Variants in FAM229B observed in about 807,000 individuals in gnomAD.
The protein encoded by FAM229B is protein FAM229B.
A neutral mutation model predicts 6.7 loss-of-function variants in FAM229B; 2 were observed. The ratio of observed to expected loss-of-function variants is 0.30; its 90% CI spans 0.12 to 0.94. FAM229B has a LOEUF of 0.94. FAM229B is among the 40% of genes least tolerant of loss of function. The probability of loss-of-function intolerance (pLI) is 0.54; values close to 1 mark genes in which losing one functional copy is unlikely to be tolerated. For synonymous variants in FAM229B, 29 were observed against 34.0 expected (o/e 0.85, Z 0.51); for missense variants, 93 against 96.2 (o/e 0.97, Z 0.14).
At chr6:112,088,534 A>G (rs1227779308) in intron 1 of FAM229B, among the ~76,000 whole-genome samples, 2 of 152,102 alleles carry the variant, frequency 1.3e-5, no homozygotes, top group African/African-American at 4.8e-5. Context: ...GTAATATTCA[A>G]TGGATTAGAA....
At chr6:112,093,291 C>T (rs1249591391) in intron 1 of FAM229B, among the ~76,000 whole-genome samples, 5 of 151,950 alleles carry the variant, frequency 3.3e-5, no homozygotes, top group African/African-American at 1.2e-4. Context: ...AGACATATTT[C>T]ATAATGATAA....
chr6:112,098,323 T>C (rs1554318881), intron 2 of FAM229B, among the ~76,000 whole-genome samples: 2 of 152,170 alleles, frequency 1.3e-5, no homozygotes, highest in African/African-American at 4.8e-5. Context: ...AGGTAGGCAG[T>C]AAGGAGTTCA....
intron 1 of FAM229B, among the ~76,000 whole-genome samples, chr6:112,095,719 A>G (rs1023180861): frequency 9.3e-5 from 14 of 149,910 alleles, no homozygotes; most frequent in Non-Finnish European, 1.5e-4. Flanking sequence ...GCTAAAACCC[A>G]TCATTCTCCC....
At chr6:112,093,575 G>A (rs1200866324) in intron 1 of FAM229B, among the ~76,000 whole-genome samples, 7 of 152,078 alleles carry the variant, frequency 4.6e-5, no homozygotes, top group South Asian at 2.1e-4. Flanking sequence ...ATTCAAGTGC[G>A]TGTGGAACAT....
intron 1 of FAM229B, among the ~76,000 whole-genome samples, chr6:112,095,840 T>C (rs1554318607): frequency 6.6e-6 from 1 of 152,076 alleles, no homozygotes; most frequent in Non-Finnish European, 1.5e-5. Context: ...AATTATTTGT[T>C]TGTGTGACTG....
intron 2 of FAM229B, among the ~76,000 whole-genome samples, chr6:112,098,257 G>T (rs1426818982): frequency 6.6e-6 from 1 of 152,190 alleles, no homozygotes; most frequent in African/African-American, 2.4e-5. Flanking sequence ...AGACTTAATG[G>T]ATTGCATTGG....
chr6:112,098,030 G>A (rs74326434), intron 2 of FAM229B, among the ~76,000 whole-genome samples: 3,217 of 152,254 alleles, frequency 0.021, 42 homozygotes, highest in Non-Finnish European at 0.03. Flanking sequence ...CATCCAGTGG[G>A]TAAAGGCCTT....
intron 1 of FAM229B, among the ~76,000 whole-genome samples, chr6:112,095,680 A>G (rs868952735): frequency 1.0e-5 from 1 of 95,742 alleles, no homozygotes; most frequent in Non-Finnish European, 2.1e-5. Context: ...AAAAAAAAGA[A>G]AAAAAAAAAC....
chr6:112,096,338 CGAGGTCAGGA>C (rs1244742738), intron 1 of FAM229B, among the ~76,000 whole-genome samples: 1 of 152,066 alleles, frequency 6.6e-6, no homozygotes, highest in Non-Finnish European at 1.5e-5. Context: ...GGGCGGATCA[CGAGGTCAGGA>C]GATCGAGACC....
chr6:112,089,861 A>AT (rs1371001365), intron 1 of FAM229B, among the ~76,000 whole-genome samples: 26 of 152,106 alleles, frequency 1.7e-4, no homozygotes, highest in African/African-American at 5.8e-4. Flanking sequence ...AATGTACTTG[A>AT]TAAAAAAAAA....
At chr6:112,091,682 G>A (rs377341175) in intron 1 of FAM229B, among the ~76,000 whole-genome samples, 57 of 152,052 alleles carry the variant, frequency 3.7e-4, no homozygotes, top group African/African-American at 1.4e-3. Flanking sequence ...CACAATGCCT[G>A]GCACCCAAGT....
chr6:112,100,851 A>T lies in FAM229B; in HGVS notation c.*64A>T. 8.4e-7 allele frequency: 1 copy of T among 1,190,768 alleles called. No homozygotes were observed. The highest frequency in any genetic ancestry group is 1.2e-6 in the Non-Finnish European group (1 of 803,406). 73.8% of individuals were successfully genotyped at this position (1,190,768 alleles called of 1,614,324 possible). A position where few individuals can be genotyped will look rare whatever the true frequency, so the allele number is the denominator to read the frequency against. ...GGTAATGGACCAGTATCATCTGGTG[A>T]TCTGGTAAACAAATAAAAGTGGTGG... is the stretch of plus-strand genomic sequence containing the variant. On this transcript the variant is annotated 3_prime_UTR_variant, in exon 4 of 4. Coordinates refer to ENST00000368656, the MANE Select transcript of FAM229B (RefSeq NM_001033564.3).
chr6:112,096,656 TAA>T lies in FAM229B; in HGVS notation c.-175-383_-175-382del, dbSNP rs587728714. ...CTCTTGAGGAAACAGGAAAAAAAAA[TAA>T]AGTTAGTCCAGGCATTAGAGAGAGG... On this transcript the variant is annotated intron_variant, in intron 1 of 3. Coordinates refer to ENST00000368656, the MANE Select transcript of FAM229B (RefSeq NM_001033564.3). 1.9e-3 allele frequency among the ~76,000 whole-genome samples: 289 copies of T among 151,052 alleles called. 1 individual carries two copies. Among genetic ancestry groups the T allele is most frequent in the African/African-American group, 6.8e-3 (280 of 41,428 alleles).
In FAM229B at chr6:112,101,911, A is replaced by G. The variant is rs1777403651; in HGVS notation, c.*1124A>G. On this transcript the variant is annotated 3_prime_UTR_variant, in exon 4 of 4. Coordinates refer to ENST00000368656, the MANE Select transcript of FAM229B (RefSeq NM_001033564.3). ...GGAGAAGTTTGAATGCCAACCAGTT[A>G]AAGTGGAAAGATCTTGAACATGTGG... is the stretch of plus-strand genomic sequence containing the variant. 1 of 152,176 alleles carries G rather than the reference A, an allele frequency of 6.6e-6. No homozygotes were observed. Among genetic ancestry groups the G allele is most frequent in the South Asian group, 2.1e-4 (1 of 4,834 alleles). 9.4% of individuals were successfully genotyped at this position (152,176 alleles called of 1,614,324 possible). A position where few individuals can be genotyped will look rare whatever the true frequency, so the allele number is the denominator to read the frequency against.
intron 2 of FAM229B, among the ~76,000 whole-genome samples, chr6:112,098,038 C>A (rs1361759763): frequency 3.3e-5 from 5 of 152,122 alleles, no homozygotes; most frequent in Admixed American, 1.3e-4. Context: ...GGGTAAAGGC[C>A]TTGAATGCTG....
At chr6:112,096,283 G>A (rs6940451) in intron 1 of FAM229B, among the ~76,000 whole-genome samples, 7,543 of 152,204 alleles carry the variant, frequency 0.05, 617 homozygotes, top group African/African-American at 0.17. Flanking sequence ...TCGGCCGGGC[G>A]CGGTGGCTCA....
rs781890891 is a variant in FAM229B at position 112,101,637 on chromosome 6, C to T, written c.*850C>T. The T allele has an allele frequency of 4.6e-5, 7 of 152,170 alleles. No homozygotes were observed. The highest frequency in any genetic ancestry group is 1.7e-4 in the African/African-American group (7 of 41,500). The allele number at this position is 152,170 out of a possible 1,614,324, so 9.4% of individuals were successfully genotyped here. A position where few individuals can be genotyped will look rare whatever the true frequency, so the allele number is the denominator to read the frequency against. ...AACTCAGTCTGCTTTCCTTTTCTCT[C>T]GATGGCTGTCAGCACCCATCTAATG... On this transcript the variant is annotated 3_prime_UTR_variant, in exon 4 of 4. Coordinates refer to ENST00000368656, the MANE Select transcript of FAM229B (RefSeq NM_001033564.3).
chr6:112,091,443 T>C (rs894025237), intron 1 of FAM229B, among the ~76,000 whole-genome samples: 2 of 152,102 alleles, frequency 1.3e-5, no homozygotes, highest in Admixed American at 1.3e-4. Flanking sequence ...ATTCCCCGTA[T>C]CTTGAGTGGA....
intron 1 of FAM229B, among the ~76,000 whole-genome samples, chr6:112,088,729 G>A (rs1367536172): frequency 6.6e-6 from 1 of 152,074 alleles, no homozygotes; most frequent in Non-Finnish European, 1.5e-5. Flanking sequence ...AGGTAAAGTT[G>A]GGCATTTTAG....
Sources: allele counts gnomAD v4.1 joint callset (sites outside exome capture counted in the v4.1 genomes callset), GRCh38; gene constraint gnomAD v4.1.1; transcripts MANE v1.5; gene names NCBI Gene and HGNC (gene_info 2026-07-23, HGNC 2026-07-21).